The following USO1 variants were observed in gnomAD, a reference collection of about 807,000 sequenced individuals.
USO1 encodes the protein USO1 vesicle transport factor.
USO1 carries 57 observed loss-of-function variants against 124.5 expected under a neutral mutation model. That is an observed-to-expected ratio of 0.46 (90% CI 0.37 to 0.57). The LOEUF (loss-of-function observed/expected upper bound fraction) is 0.57, where lower values mean the gene tolerates loss of function less well. Ranked by LOEUF, USO1 falls within the 20% of genes least tolerant of loss-of-function variation. The probability of loss-of-function intolerance (pLI) is 0.00; values close to 1 mark genes in which losing one functional copy is unlikely to be tolerated. For missense variants in USO1, 900 were observed against 1,040.6 expected, an observed-to-expected ratio of 0.86 and a Z score of 1.86; for synonymous variants, 369 against 362.8, an observed-to-expected ratio of 1.02 and a Z score of -0.19.
intron 8 of USO1, among the ~76,000 whole-genome samples, chr4:75,781,750 G>A (rs560676664): frequency 7.8e-6 from 1 of 128,166 alleles, no homozygotes; most frequent in Non-Finnish European, 1.8e-5. Flanking sequence ...TCTAAAAAAT[G>A]ATGTCTTTTT....
intron 9 of USO1, among the ~76,000 whole-genome samples, chr4:75,786,672 T>C (rs937293834): frequency 6.6e-6 from 1 of 152,198 alleles, no homozygotes; most frequent in Admixed American, 6.5e-5. Context: ...ACACATCAGG[T>C]CATTCTGTTT....
chr4:75,751,961 T>C (rs951187365), intron 1 of USO1, among the ~76,000 whole-genome samples: 4 of 152,198 alleles, frequency 2.6e-5, no homozygotes, highest in South Asian at 2.1e-4. Flanking sequence ...AGATATATGA[T>C]GAAAATGTTA....
At chr4:75,747,562 G>A (rs1721159462) in intron 1 of USO1, among the ~76,000 whole-genome samples, 1 of 149,292 alleles carries the variant, frequency 6.7e-6, no homozygotes, top group Non-Finnish European at 1.5e-5. Context: ...AGTGTGAGCT[G>A]CCATTCTCAG....
intron 4 of USO1, among the ~76,000 whole-genome samples, chr4:75,767,021 T>G (rs1226621198): frequency 1.3e-5 from 2 of 152,226 alleles, no homozygotes; most frequent in East Asian, 3.8e-4. Flanking sequence ...TAGTCACTCC[T>G]TTCTCATTGA....
chr4:75,759,172 T>C (rs1721524309), intron 4 of USO1, among the ~76,000 whole-genome samples: 1 of 151,506 alleles, frequency 6.6e-6, no homozygotes, highest in African/African-American at 2.4e-5. Flanking sequence ...TTCTTTGTGT[T>C]TTTAGGCTCT....
intron 15 of USO1, 38 bp from the exon 16 acceptor site, chr4:75,800,580 A>ATTT (rs781524521): frequency 1.3e-5 from 18 of 1,427,062 alleles, no homozygotes; most frequent in Non-Finnish European, 1.5e-5. Flanking sequence ...TTTTGATTTT[A>ATTT]TTTTTTTTAA....
At chr4:75,732,790 A>G (rs1406002865) in intron 1 of USO1, among the ~76,000 whole-genome samples, 1 of 143,372 alleles carries the variant, frequency 7.0e-6, no homozygotes. Flanking sequence ...GAGGCAGGAG[A>G]ATCACTTGAA....
rs1027814567 is a variant in USO1, at chr4:75,804,997, A to G, written c.2126-143A>G. On this transcript the variant is annotated intron_variant, in intron 18 of 23. Transcript: ENST00000514213. ...ATCAGTTCACTATTTTTATCAGTAT[A>G]CCATTCTGCAAAGATGAAATGTGAT... 3.6e-6 allele frequency: 4 copies of G among 1,125,966 alleles called. No homozygotes were observed. In the African/African-American group the frequency reaches 4.8e-5, roughly 14 times the overall value. 69.7% of individuals were successfully genotyped at this position (1,125,966 alleles called of 1,614,324 possible).
At position 75,799,740 on chromosome 4, in the gene USO1, TTA is replaced by T; in HGVS notation, c.1563+10_1563+11del. The T allele has an allele frequency of 6.2e-7, 1 of 1,613,106 alleles. No individual in the cohort carries two copies. The highest frequency in any genetic ancestry group is 8.5e-7 in the Non-Finnish European group (1 of 1,179,576). On this transcript the variant is annotated intron_variant, in intron 14 of 23. Transcript: ENST00000514213. ...TCAGCCAATGTTCCATTTGTATCCT[TTA>T]TGTTTTAGTAACGTACATGTAAGTA...
intron 18 of USO1, chr4:75,804,906 G>A (rs1360255735): frequency 2.7e-6 from 1 of 375,282 alleles, no homozygotes; most frequent in Admixed American, 4.6e-5. Context: ...CTTAATCATA[G>A]ATCACCAGAC....
intron 1 of USO1, among the ~76,000 whole-genome samples, chr4:75,739,253 T>C (rs769177287): frequency 6.6e-6 from 1 of 152,202 alleles, no homozygotes; most frequent in African/African-American, 2.4e-5. Context: ...TTTAAAAGAT[T>C]ATATTTAAGG....
intron 12 of USO1, among the ~76,000 whole-genome samples, chr4:75,792,506 C>T (rs1396855934): frequency 1.3e-5 from 2 of 152,014 alleles, no homozygotes; most frequent in Non-Finnish European, 2.9e-5. Context: ...CATTGCACTC[C>T]AGCCTGGGCA....
At chr4:75,764,710 A>G (rs886485541) in intron 4 of USO1, among the ~76,000 whole-genome samples, 1 of 152,182 alleles carries the variant, frequency 6.6e-6, no homozygotes, top group Admixed American at 6.6e-5. Flanking sequence ...TGAGGTCACA[A>G]ACTTTTGGCC....
chr4:75,733,208 G>A (rs144153303), intron 1 of USO1, among the ~76,000 whole-genome samples: 2,661 of 151,148 alleles, frequency 0.018, 72 homozygotes, highest in African/African-American at 0.061. Flanking sequence ...GCAGTGAGCC[G>A]AGATCACGCC....
At chr4:75,776,761 C>A (rs948814217) in intron 8 of USO1, among the ~76,000 whole-genome samples, 1 of 152,078 alleles carries the variant, frequency 6.6e-6, no homozygotes, top group Non-Finnish European at 1.5e-5. Flanking sequence ...TAGAGTGGTT[C>A]CTCCTCATAA....
At chr4:75,731,773 ATGAT>A (rs1449731383) in intron 1 of USO1, among the ~76,000 whole-genome samples, 3 of 152,268 alleles carry the variant, frequency 2.0e-5, no homozygotes, top group East Asian at 3.9e-4. Flanking sequence ...TGTTGGATAA[ATGAT>A]TGATTGATTA....
At chr4:75,790,938 T>G in intron 12 of USO1, 141 bp downstream of exon 12, 2 of 1,126,520 alleles carry the variant, frequency 1.8e-6, no homozygotes, top group Non-Finnish European at 2.4e-6. Context: ...AACACCTGAA[T>G]TCTAAGGCCT....
intron 23 of USO1, among the ~76,000 whole-genome samples, chr4:75,812,797 A>G (rs1723186976): frequency 6.6e-6 from 1 of 152,214 alleles, no homozygotes; most frequent in Admixed American, 6.5e-5. Context: ...CAGATGGCTT[A>G]TATTCTACTG....
At chr4:75,788,171 A>ATTTTTTTT (rs11291010) in intron 10 of USO1, among the ~76,000 whole-genome samples, 12 of 123,236 alleles carry the variant, frequency 9.7e-5, no homozygotes, top group African/African-American at 2.7e-4. Flanking sequence ...TTATTTATTT[A>ATTTTTTTT]TTTTTTTTTT....
Sources: gnomAD v4.1 joint callset for allele counts (sites outside exome capture counted in the v4.1 genomes callset) on GRCh38, gnomAD v4.1.1 for gene constraint, MANE v1.5 for transcripts, NCBI Gene and HGNC (gene_info 2026-07-23, HGNC 2026-07-21) for gene names.